CEP112: variants seen among roughly 807,000 people sequenced by gnomAD.
CEP112 encodes centrosomal protein of 112 kDa.
CEP112 carries 127 observed loss-of-function variants against 153.0 expected under a neutral mutation model. The ratio of observed to expected loss-of-function variants is 0.83; its 90% CI spans 0.72 to 0.96. The LOEUF (loss-of-function observed/expected upper bound fraction) is 0.96, where lower values mean the gene tolerates loss of function less well. Among genes scored for constraint, CEP112 ranks in the 40% least tolerant of loss-of-function variants. The pLI is 0.00. For synonymous variants in CEP112, 358 were observed against 374.4 expected (o/e 0.96, Z 0.51); for missense variants, 1,089 against 1,101.2 (o/e 0.99, Z 0.16).
chr17:66,054,284 G>A lies in CEP112; in HGVS notation c.1075-405C>T, dbSNP rs183545226. Among the ~76,000 whole-genome samples, 292 of 152,172 alleles carry A rather than the reference G, an allele frequency of 1.9e-3. 1 individual carries two copies. Among genetic ancestry groups the A allele is most frequent in the African/African-American group, 6.9e-3 (287 of 41,524 alleles). On this transcript the variant is annotated intron_variant, in intron 11 of 26. Coordinates refer to ENST00000535342, the MANE Select transcript of CEP112 (RefSeq NM_001199165.4). Reference sequence around the variant, plus strand: ...TCCCCATTATTCATCCTATTTGCACGGAATTTTGTACACCAGTAATGTTAA... The same window carrying A: ...TCCCCATTATTCATCCTATTTGCACAGAATTTTGTACACCAGTAATGTTAA...
chr17:65,655,656 GC>G lies in CEP112; in HGVS notation c.2698-14592del, dbSNP rs201837528. Among the ~76,000 whole-genome samples, 787 of 151,906 alleles carry G rather than the reference GC, an allele frequency of 5.2e-3. 1 individual carries two copies. Among genetic ancestry groups the G allele is most frequent in the African/African-American group, 0.018 (763 of 41,378 alleles). On this transcript the variant is annotated intron_variant, in intron 24 of 26. Coordinates refer to ENST00000535342, the MANE Select transcript of CEP112 (RefSeq NM_001199165.4). ...TTTTCTTTTGTTATATAAACTGCTA[GC>G]CACAAATTTTAGTTATGTAAAAGAC... is the stretch of plus-strand genomic sequence containing the variant.
chr17:65,786,752 A>T (rs2054298075), intron 21 of CEP112, among the ~76,000 whole-genome samples: 1 of 151,252 alleles, frequency 6.6e-6, no homozygotes, highest in African/African-American at 2.4e-5. Flanking sequence ...ACACCCGACG[A>T]CCTTTTTATT....
rs77905043 is a variant in CEP112 at position 65,961,576 on chromosome 17, G to A, written c.1759C>T (p.Arg587Cys). 9.0e-4 allele frequency: 1,451 copies of A among 1,612,184 alleles called. 15 individuals carry two copies. Among genetic ancestry groups the A allele is most frequent in the South Asian group, 8.9e-3 (810 of 90,924 alleles). Residue 587 changes from arginine to cysteine, a missense_variant, in exon 18 of 27, where the codon CGT becomes TGT. By Grantham distance (180) the Arg-to-Cys change is radical (BLOSUM62 -3). Coordinates refer to ENST00000535342, the MANE Select transcript of CEP112 (RefSeq NM_001199165.4). The stretch of plus-strand genomic sequence containing the variant: ...TGCAACCTCTGAACTTCAGTCACAC[G>A]AGTTAGCTGCTCCTCTTTTTCCCTA... ...ALKEKEEQLT[R>C]VTEVQRLQAQ...
intron 8 of CEP112, among the ~76,000 whole-genome samples, chr17:66,088,377 G>A (rs138464479): frequency 2.1e-3 from 316 of 152,194 alleles, no homozygotes; most frequent in African/African-American, 7.1e-3. Context: ...TTCACAGCAC[G>A]AGGCTGGCCC....
At chr17:65,729,608 T>C (rs914617089) in intron 23 of CEP112, among the ~76,000 whole-genome samples, 2 of 152,318 alleles carry the variant, frequency 1.3e-5, no homozygotes, top group Admixed American at 1.3e-4. Context: ...AGTAGTTTTT[T>C]GTTAAATTTT....
At chr17:66,167,345 G>A (rs927432747) in intron 4 of CEP112, among the ~76,000 whole-genome samples, 2 of 151,450 alleles carry the variant, frequency 1.3e-5, no homozygotes, top group African/African-American at 2.4e-5. Context: ...CACTTAACAG[G>A]CCCTCTGTCA....
intron 25 of CEP112, among the ~76,000 whole-genome samples, chr17:65,637,533 C>T (rs2143204973): frequency 6.6e-6 from 1 of 152,314 alleles, no homozygotes; most frequent in Middle Eastern, 3.4e-3. Flanking sequence ...CATTTTCTCT[C>T]TTTGGAACAC....
intron 18 of CEP112, among the ~76,000 whole-genome samples, chr17:65,944,778 TAGG>T (rs2061602810): frequency 6.6e-6 from 1 of 152,026 alleles, no homozygotes; most frequent in Non-Finnish European, 1.5e-5. Flanking sequence ...TTTGTCAAGA[TAGG>T]GGGTCTCCTT....
intron 24 of CEP112, among the ~76,000 whole-genome samples, chr17:65,680,567 G>T (rs1363982416): frequency 1.3e-5 from 2 of 152,086 alleles, no homozygotes; most frequent in South Asian, 2.1e-4. Flanking sequence ...TAAACGCTGG[G>T]ATACAAGGAT....
chr17:65,936,317 A>G (rs909031726), intron 18 of CEP112, among the ~76,000 whole-genome samples: 1 of 152,120 alleles, frequency 6.6e-6, no homozygotes, highest in African/African-American at 2.4e-5. Flanking sequence ...GAGAAGCTTC[A>G]GCTCACTGCT....
At position 65,668,180 on chromosome 17, in the gene CEP112, G is replaced by A. The variant is rs573472046; in HGVS notation, c.2697+20949C>T. Among the ~76,000 whole-genome samples the A allele has an allele frequency of 1.7e-3, 260 of 152,278 alleles. 1 individual carries two copies. Among genetic ancestry groups the A allele is most frequent in the African/African-American group, 6.1e-3 (255 of 41,550 alleles). Reference sequence around the variant, plus strand: ...CAAAGTGCTGGGATTCCAGGCATGAGCCACTGCGCCCGGCCTCCTTGGGCA... The same window carrying A: ...CAAAGTGCTGGGATTCCAGGCATGAACCACTGCGCCCGGCCTCCTTGGGCA... On this transcript the variant is annotated intron_variant, in intron 24 of 26. Transcript: ENST00000535342.
intron 21 of CEP112, among the ~76,000 whole-genome samples, chr17:65,801,079 C>T (rs569569814): frequency 2.0e-5 from 3 of 152,046 alleles, no homozygotes; most frequent in South Asian, 4.2e-4. Flanking sequence ...CTGTCTTCTT[C>T]ATCTTCTTTT....
chr17:65,983,460 T>C (rs956835386), intron 17 of CEP112, among the ~76,000 whole-genome samples: 7 of 152,174 alleles, frequency 4.6e-5, no homozygotes, highest in Non-Finnish European at 1.0e-4. Flanking sequence ...ATGTTGGAGG[T>C]AGAGCCTAGT....
intron 6 of CEP112, among the ~76,000 whole-genome samples, chr17:66,104,959 T>C (rs560046950): frequency 8.2e-4 from 125 of 152,312 alleles, no homozygotes; most frequent in Non-Finnish European, 1.2e-3. Flanking sequence ...TCACTGGTTA[T>C]AGTAAGTATT....
At chr17:65,639,836 CTTTTTTTTT>C (rs554226605) in intron 25 of CEP112, among the ~76,000 whole-genome samples, 1 of 110,966 alleles carries the variant, frequency 9.0e-6, no homozygotes, top group African/African-American at 3.5e-5. Flanking sequence ...CTCTTTCTTT[CTTTTTTTTT>C]TTTTTTTTTG....
chr17:65,959,356 T>C (rs1236574822), intron 18 of CEP112, among the ~76,000 whole-genome samples: 1 of 152,202 alleles, frequency 6.6e-6, no homozygotes, highest in Non-Finnish European at 1.5e-5. Context: ...CTCTGAGCTG[T>C]TCTATTGCTC....
chr17:65,729,540 T>C (rs2050378410), intron 23 of CEP112, among the ~76,000 whole-genome samples: 1 of 152,230 alleles, frequency 6.6e-6, no homozygotes, highest in South Asian at 2.1e-4. Flanking sequence ...ACGTTCATTA[T>C]ACTGCCTTTG....
At chr17:65,743,710 T>C (rs2051265529) in intron 22 of CEP112, among the ~76,000 whole-genome samples, 1 of 152,196 alleles carries the variant, frequency 6.6e-6, no homozygotes, top group South Asian at 2.1e-4. Context: ...TAAGTTCTTA[T>C]GTCATTTACT....
chr17:65,804,223 G>C (rs1442503742), intron 21 of CEP112, among the ~76,000 whole-genome samples: 2 of 152,038 alleles, frequency 1.3e-5, no homozygotes, highest in Non-Finnish European at 2.9e-5. Context: ...CACAAGAGAA[G>C]CTTTGTATTT....
Sources: gnomAD v4.1 joint callset for allele counts (sites outside exome capture counted in the v4.1 genomes callset) on GRCh38, gnomAD v4.1.1 for gene constraint, MANE v1.5 for transcripts, NCBI Gene and HGNC (gene_info 2026-07-23, HGNC 2026-07-21) for gene names.